TCF4: variants seen among roughly 807,000 people sequenced by gnomAD.
TCF4 encodes SL3-3 enhancer factor 2.
In TCF4, 3 loss-of-function variants were observed where a neutral mutation model predicts 82.1. The ratio of observed to expected loss-of-function variants is 0.04; its 90% CI spans 0.02 to 0.09. The LOEUF (loss-of-function observed/expected upper bound fraction) is 0.09, where lower values mean the gene tolerates loss of function less well. Ranked by LOEUF, TCF4 falls within the 10% of genes least tolerant of loss-of-function variation. TCF4 has a pLI of 1.00. For synonymous variants in TCF4, 276 were observed against 309.6 expected (o/e 0.89, Z 1.14); for missense variants, 518 against 852.7 (o/e 0.61, Z 4.89).
chr18:55,269,878 C>T lies in TCF4; in HGVS notation c.875G>A (p.Ser292Asn). The change falls in exon 11 of 20, where the codon AGC becomes AAC. Residue 292 changes from serine to asparagine, a missense_variant. Transcript: ENST00000354452. ...TFHRSGTNHY[S>N]TSSCTPPANG... is the part of the protein sequence containing the mutation. The stretch of plus-strand genomic sequence containing the variant: ...GGCAGGAGGCGTACAGGAAGAGGTG[C>T]TGTAATGGTTTGTACCACTACGATG... 1 of 1,613,300 alleles carries T rather than the reference C, an allele frequency of 6.2e-7. No homozygotes were observed. The highest frequency in any genetic ancestry group is 8.5e-7 in the Non-Finnish European group (1 of 1,179,516).
At chr18:55,245,801 A>G (rs529068669) in intron 15 of TCF4, among the ~76,000 whole-genome samples, 1 of 151,200 alleles carries the variant, frequency 6.6e-6, no homozygotes, top group Non-Finnish European at 1.5e-5. Context: ...TCCTTAGGTC[A>G]TTTCATAATT....
chr18:55,497,004 G>A (rs1440704182), intron 3 of TCF4, among the ~76,000 whole-genome samples: 1 of 151,796 alleles, frequency 6.6e-6, no homozygotes, highest in Non-Finnish European at 1.5e-5. Context: ...ATACTCGTAA[G>A]GCAAAAAAAC....
chr18:55,339,521 C>T (rs2079366238), intron 8 of TCF4, among the ~76,000 whole-genome samples: 1 of 152,158 alleles, frequency 6.6e-6, no homozygotes, highest in Admixed American at 6.6e-5. Context: ...AAGCATCAGT[C>T]CCTGTTCAGG....
chr18:55,457,478 A>G (rs2144652850), intron 5 of TCF4, among the ~76,000 whole-genome samples: 1 of 151,910 alleles, frequency 6.6e-6, no homozygotes. Flanking sequence ...AGAATAAATT[A>G]AAACAAACAT....
At chr18:55,347,206 G>C (rs2081359558) in intron 8 of TCF4, among the ~76,000 whole-genome samples, 1 of 152,044 alleles carries the variant, frequency 6.6e-6, no homozygotes, top group African/African-American at 2.4e-5. Flanking sequence ...CAAAAAACGA[G>C]GGCTACGAGA....
intron 8 of TCF4, among the ~76,000 whole-genome samples, chr18:55,295,867 G>A (rs1337932952): frequency 3.9e-5 from 6 of 152,026 alleles, no homozygotes; most frequent in Admixed American, 3.3e-4. Context: ...TTCCTCTAAG[G>A]CCAAATGTGG....
At chr18:55,460,781 C>T (rs910188063) in intron 5 of TCF4, among the ~76,000 whole-genome samples, 4 of 152,262 alleles carry the variant, frequency 2.6e-5, no homozygotes, top group South Asian at 2.1e-4. Context: ...AACAAAATTT[C>T]CACATAGATT....
intron 8 of TCF4, among the ~76,000 whole-genome samples, chr18:55,328,572 T>C (rs1444248396): frequency 3.3e-5 from 5 of 152,040 alleles, no homozygotes; most frequent in Non-Finnish European, 7.4e-5. Context: ...TTAGCGAGCT[T>C]ACCACAATCA....
chr18:55,584,464 T>A (rs2097612959), intron 3 of TCF4, among the ~76,000 whole-genome samples: 1 of 152,144 alleles, frequency 6.6e-6, no homozygotes, highest in Admixed American at 6.5e-5. Context: ...TATTTGAAAT[T>A]CATTGGATTA....
At chr18:55,319,594 T>C (rs2074998841) in intron 8 of TCF4, among the ~76,000 whole-genome samples, 1 of 152,298 alleles carries the variant, frequency 6.6e-6, no homozygotes, top group East Asian at 1.9e-4. Context: ...ATCACCAGAT[T>C]TGTTTTTAAT....
At chr18:55,427,240 A>T (rs2095028400) in intron 5 of TCF4, among the ~76,000 whole-genome samples, 1 of 152,030 alleles carries the variant, frequency 6.6e-6, no homozygotes, top group Non-Finnish European at 1.5e-5. Context: ...CCATTCCTTA[A>T]AGAAGAGGTA....
chr18:55,319,978 T>TATAAA (rs2075092441), intron 8 of TCF4, among the ~76,000 whole-genome samples: 1 of 152,182 alleles, frequency 6.6e-6, no homozygotes, highest in African/African-American at 2.4e-5. Flanking sequence ...ATAATGTAAG[T>TATAAA]CTTTCATTAC....
At chr18:55,545,578 A>G in intron 3 of TCF4, among the ~76,000 whole-genome samples, 1 of 152,024 alleles carries the variant, frequency 6.6e-6, no homozygotes. Flanking sequence ...CCTCCCAAGT[A>G]GCTGGGATTA....
intron 3 of TCF4, among the ~76,000 whole-genome samples, chr18:55,538,020 G>GCA (rs1243867587): frequency 2.0e-5 from 2 of 99,134 alleles, no homozygotes; most frequent in Non-Finnish European, 4.5e-5. Context: ...GCTAGTCTGC[G>GCA]CGCGCGCACA....
chr18:55,338,841 C>T (rs1248159506), intron 8 of TCF4, among the ~76,000 whole-genome samples: 1 of 152,152 alleles, frequency 6.6e-6, no homozygotes, highest in Non-Finnish European at 1.5e-5. Context: ...AACGAGGCAT[C>T]GTCAGGTGAG....
chr18:55,510,769 T>C, intron 3 of TCF4: 3 of 1,267,474 alleles, frequency 2.4e-6, no homozygotes, highest in Non-Finnish European at 3.0e-6. Flanking sequence ...CATGAGTTAA[T>C]GATGACCGTA....
chr18:55,286,573 TGAGA>T (rs1017792420), intron 8 of TCF4, among the ~76,000 whole-genome samples: 1 of 152,140 alleles, frequency 6.6e-6, no homozygotes, highest in African/African-American at 2.4e-5. Flanking sequence ...TCAAACAGCA[TGAGA>T]GATTAGTCAA....
intron 3 of TCF4, among the ~76,000 whole-genome samples, chr18:55,570,757 T>C (rs1025795105): frequency 6.6e-6 from 1 of 151,632 alleles, no homozygotes; most frequent in African/African-American, 2.4e-5. Context: ...TGTGTGTGCC[T>C]GTGGTCCTGC....
At chr18:55,246,621 G>GCTCTTTAATTTTCTTT in intron 15 of TCF4, among the ~76,000 whole-genome samples, 1 of 151,866 alleles carries the variant, frequency 6.6e-6, no homozygotes, top group South Asian at 2.1e-4. Context: ...AATTAATATA[G>GCTCTTTAATTTTCTTT]AAATATCAAA....
Sources: allele counts gnomAD v4.1 joint callset (sites outside exome capture counted in the v4.1 genomes callset), GRCh38; gene constraint gnomAD v4.1.1; transcripts MANE v1.5; gene names NCBI Gene and HGNC (gene_info 2026-07-23, HGNC 2026-07-21).